The following PRSS23 variants were observed in gnomAD, a reference collection of about 807,000 sequenced individuals.
PRSS23 encodes serine protease 23, also known as protease, serine 23.
PRSS23 carries 25 observed loss-of-function variants against 34.7 expected under a neutral mutation model. The ratio of observed to expected loss-of-function variants is 0.72; its 90% CI spans 0.53 to 1.01. The LOEUF (loss-of-function observed/expected upper bound fraction) is 1.01, where lower values mean the gene tolerates loss of function less well. Ranked by LOEUF, PRSS23 falls within the 50% of genes least tolerant of loss-of-function variation. The pLI is 0.00. For missense variants in PRSS23, 445 were observed against 475.6 expected (o/e 0.94, Z 0.60); for synonymous variants, 176 against 186.6 (o/e 0.94, Z 0.46).
chr11:86,939,426 A>ATTTT lies in PRSS23; in HGVS notation c.207-11787_207-11784dup. Among the ~76,000 whole-genome samples, 310 of 93,576 alleles carry ATTTT rather than the reference A, an allele frequency of 3.3e-3. 6 individuals are homozygous for ATTTT. The highest frequency in any genetic ancestry group is 7.0e-3 in the Middle Eastern group (1 of 142). 61.4% of individuals were successfully genotyped at this position (93,576 alleles called of 152,430 possible). On this transcript the variant is annotated intron_variant, in intron 2 of 2. Transcript: ENST00000533902. ...AAAATATATATATATATATATATATATTTTTTAACATGAGTAAAAATTGCA... is the reference window on the plus strand; with the variant it reads ...AAAATATATATATATATATATATATATTTTTTTTTTAACATGAGTAAAAATTGCA...
intron 2 of PRSS23, among the ~76,000 whole-genome samples, chr11:86,842,117 G>T (rs752349413): frequency 5.9e-5 from 9 of 152,164 alleles, no homozygotes; most frequent in East Asian, 3.8e-4. Context: ...GGGATGCAAG[G>T]CTTGTTCAAC....
chr11:86,939,426 AT>A, intron 2 of PRSS23, among the ~76,000 whole-genome samples: 12 of 94,070 alleles, frequency 1.3e-4, no homozygotes, highest in Admixed American at 2.6e-4. Flanking sequence ...ATATATATAT[AT>A]TTTTTAACAT....
intron 2 of PRSS23, among the ~76,000 whole-genome samples, chr11:86,923,003 T>G (rs539717481): frequency 8.5e-5 from 13 of 152,292 alleles, no homozygotes; most frequent in African/African-American, 3.1e-4. Context: ...GTAGCCCTTT[T>G]TTGGGGCTAC....
intron 2 of PRSS23, chr11:86,832,864 T>G: frequency 3.1e-6 from 1 of 319,376 alleles, no homozygotes; most frequent in Non-Finnish European, 6.1e-6. Flanking sequence ...AATACATGAC[T>G]ATGTTATTGG....
At chr11:86,920,777 C>G (rs1394792598) in intron 2 of PRSS23, among the ~76,000 whole-genome samples, 3 of 152,288 alleles carry the variant, frequency 2.0e-5, no homozygotes, top group South Asian at 2.1e-4. Flanking sequence ...AATTCATGTT[C>G]TGTCTTCATT....
chr11:86,805,630 A>T (rs1432099491), intron 1 of PRSS23, among the ~76,000 whole-genome samples: 1 of 152,128 alleles, frequency 6.6e-6, no homozygotes, highest in African/African-American at 2.4e-5. Flanking sequence ...TTCTTTTCCT[A>T]TCCCTATTCT....
intron 2 of PRSS23, among the ~76,000 whole-genome samples, chr11:86,908,366 T>A (rs1590923698): frequency 6.6e-6 from 1 of 152,354 alleles, no homozygotes; most frequent in South Asian, 2.1e-4. Context: ...AATATGTACA[T>A]ATCTATAATT....
At chr11:86,897,623 C>A (rs1590918955) in intron 2 of PRSS23, among the ~76,000 whole-genome samples, 1 of 151,890 alleles carries the variant, frequency 6.6e-6, no homozygotes, top group East Asian at 2.0e-4. Context: ...TAAGCATGCA[C>A]CCCTGGCTAG....
chr11:86,901,325 G>C (rs548630472), intron 2 of PRSS23, among the ~76,000 whole-genome samples: 1 of 152,144 alleles, frequency 6.6e-6, no homozygotes, highest in Non-Finnish European at 1.5e-5. Flanking sequence ...TGTCCCAGCA[G>C]AGGGCATGAT....
rs201275615 is a variant in PRSS23, at chr11:86,807,962, A to G, written c.319A>G (p.Ser107Gly). The G allele has an allele frequency of 2.5e-6, 4 of 1,613,992 alleles. No individual in the cohort carries two copies. Among genetic ancestry groups the G allele is most frequent in the Non-Finnish European group, 3.4e-6 (4 of 1,180,044 alleles). The change falls in exon 2 of 2, where the codon AGC (serine) becomes GGC (glycine). Residue 107 changes from serine to glycine, a missense_variant. Coordinates refer to ENST00000280258, the MANE Select transcript of PRSS23 (RefSeq NM_007173.6). Reference sequence around the variant, plus strand: ...GACGCAGGTGGGCATCTACATCCTCAGCAGTAGTGGAGATGGGGCCCAACA... The same window carrying G: ...GACGCAGGTGGGCATCTACATCCTCGGCAGTAGTGGAGATGGGGCCCAACA... The part of the protein sequence containing the change: ...TETQVGIYIL[S>G]SSGDGAQHRD...
chr11:86,944,237 C>T (rs1949225571), intron 2 of PRSS23, among the ~76,000 whole-genome samples: 1 of 151,728 alleles, frequency 6.6e-6, no homozygotes, highest in South Asian at 2.1e-4. Flanking sequence ...ATTCTCCTCT[C>T]TGTGTCTGTG....
At chr11:86,821,702 A>C in intron 1 of PRSS23, 1 of 1,475,694 alleles carries the variant, frequency 6.8e-7, no homozygotes, top group South Asian at 1.2e-5. Flanking sequence ...TGTTGAATAT[A>C]CTGTTGAACA....
intron 2 of PRSS23, among the ~76,000 whole-genome samples, chr11:86,894,760 G>C (rs1392667716): frequency 6.6e-6 from 1 of 152,136 alleles, no homozygotes; most frequent in African/African-American, 2.4e-5. Flanking sequence ...AATCACCATA[G>C]CTAAAATCTC....
intron 2 of PRSS23, among the ~76,000 whole-genome samples, chr11:86,854,951 A>T (rs1226089972): frequency 6.6e-6 from 1 of 152,186 alleles, no homozygotes; most frequent in African/African-American, 2.4e-5. Flanking sequence ...CGGTCACCTG[A>T]GGTCGGAAGT....
intron 2 of PRSS23, chr11:86,832,945 C>A: frequency 2.8e-6 from 1 of 363,152 alleles, no homozygotes. Context: ...TTTCCACATC[C>A]TTGATGCAGG....
At chr11:86,833,470 C>T (rs1590885312) in intron 2 of PRSS23, 2 of 423,418 alleles carry the variant, frequency 4.7e-6, no homozygotes, top group East Asian at 1.1e-4. Context: ...ATAGTTCGGA[C>T]ATGTATATAT....
At chr11:86,856,111 A>C (rs1948569070) in intron 2 of PRSS23, among the ~76,000 whole-genome samples, 1 of 152,228 alleles carries the variant, frequency 6.6e-6, no homozygotes, top group African/African-American at 2.4e-5. Flanking sequence ...ATAAAACAGC[A>C]ATCAATGTGT....
chr11:86,888,538 CAT>C (rs747011874), intron 2 of PRSS23, among the ~76,000 whole-genome samples: 7 of 152,172 alleles, frequency 4.6e-5, no homozygotes, highest in African/African-American at 7.2e-5. Context: ...GCCAGAAAAA[CAT>C]GTGTATGGGG....
chr11:86,887,686 A>G (rs1948812279), intron 2 of PRSS23, among the ~76,000 whole-genome samples: 1 of 152,204 alleles, frequency 6.6e-6, no homozygotes, highest in East Asian at 1.9e-4. Flanking sequence ...CGAGGAGCTC[A>G]TAGTCCGGTG....
Sources: allele counts gnomAD v4.1 joint callset (sites outside exome capture counted in the v4.1 genomes callset), GRCh38; gene constraint gnomAD v4.1.1; transcripts MANE v1.5; gene names NCBI Gene and HGNC (gene_info 2026-07-23, HGNC 2026-07-21).